ZC3H11C: variants seen among roughly 807,000 people sequenced by gnomAD.
ZC3H11C encodes zinc finger CCCH-type containing 11C.
the ZC3H11C span, among the ~76,000 whole-genome samples, chr6:65,306,011 C>T: frequency 3.0e-4 from 44 of 145,930 alleles, no homozygotes; most frequent in East Asian, 4.3e-3. Context: ...ATTGAGTTTT[C>T]TTTTCTTGAT....
the ZC3H11C span, among the ~76,000 whole-genome samples, chr6:65,302,094 CTCTTT>C: frequency 6.6e-6 from 1 of 152,108 alleles, no homozygotes; most frequent in Non-Finnish European, 1.5e-5. Context: ...TTTAAATGAA[CTCTTT>C]TTTTTGTTTT....
chr6:65,302,299 T>C, the ZC3H11C span, among the ~76,000 whole-genome samples: 2 of 152,156 alleles, frequency 1.3e-5, no homozygotes, highest in African/African-American at 2.4e-5. Context: ...ATGGATTGAG[T>C]GTTGGTTCGA....
the ZC3H11C span, among the ~76,000 whole-genome samples, chr6:65,301,495 T>C: frequency 6.6e-6 from 1 of 152,172 alleles, no homozygotes; most frequent in African/African-American, 2.4e-5. Flanking sequence ...TTTCTGCTAG[T>C]GCTGCTGCTG....
the ZC3H11C span, among the ~76,000 whole-genome samples, chr6:65,306,571 T>G: frequency 6.6e-6 from 1 of 151,900 alleles, no homozygotes; most frequent in African/African-American, 2.4e-5. Flanking sequence ...CTGGTATTAG[T>G]CAATGTTTCG....
the ZC3H11C span, among the ~76,000 whole-genome samples, chr6:65,306,535 A>G: frequency 1.3e-5 from 2 of 152,018 alleles, no homozygotes; most frequent in African/African-American, 2.4e-5. Context: ...GATATTCTTT[A>G]TTCTTTTGCT....
the ZC3H11C span, among the ~76,000 whole-genome samples, chr6:65,305,769 G>C: frequency 6.6e-6 from 1 of 152,168 alleles, no homozygotes; most frequent in Non-Finnish European, 1.5e-5. Flanking sequence ...TGCTGGCATT[G>C]AATTAACACA....
chr6:65,305,764 G>A, the ZC3H11C span, among the ~76,000 whole-genome samples: 1 of 152,124 alleles, frequency 6.6e-6, no homozygotes, highest in African/African-American at 2.4e-5. Context: ...CTCCTTGCTG[G>A]CATTGAATTA....
At chr6:65,301,751 G>A in the ZC3H11C span, among the ~76,000 whole-genome samples, 1 of 152,260 alleles carries the variant, frequency 6.6e-6, no homozygotes, top group Non-Finnish European at 1.5e-5. Context: ...TTGTAGGATT[G>A]GTGAAACCGT....
chr6:65,303,718 CA>C, the ZC3H11C span: 1 of 549,424 alleles, frequency 1.8e-6, no homozygotes, highest in East Asian at 2.9e-5. Context: ...GAAGCTCCTC[CA>C]CTATCCGTAT....
At chr6:65,306,181 C>G in the ZC3H11C span, among the ~76,000 whole-genome samples, 42 of 152,184 alleles carry the variant, frequency 2.8e-4, no homozygotes, top group Non-Finnish European at 5.0e-4. Flanking sequence ...AGTTTTGTTT[C>G]TCATAGGGAA....
the ZC3H11C span, chr6:65,303,849 CAGT>C: frequency 3.3e-6 from 2 of 605,388 alleles, no homozygotes; most frequent in Non-Finnish European, 5.7e-6. Context: ...ATTAAAAAAA[CAGT>C]AGTTTTGCCA....
chr6:65,306,090 T>TTG, the ZC3H11C span, among the ~76,000 whole-genome samples: 351 of 152,304 alleles, frequency 2.3e-3, no homozygotes, highest in African/African-American at 8.2e-3. Context: ...AATAATAGTC[T>TTG]TGAAAGGAGA....
chr6:65,301,646 T>C, the ZC3H11C span, among the ~76,000 whole-genome samples: 5 of 152,382 alleles, frequency 3.3e-5, no homozygotes, highest in Admixed American at 3.3e-4. Context: ...ACCGACCTTA[T>C]TCCGGTATCC....
chr6:65,306,009 T>G, the ZC3H11C span, among the ~76,000 whole-genome samples: 2 of 145,924 alleles, frequency 1.4e-5, no homozygotes, highest in African/African-American at 4.9e-5. Context: ...GAATTGAGTT[T>G]TCTTTTCTTG....
the ZC3H11C span, chr6:65,303,539 G>C: frequency 1.1e-6 from 1 of 927,402 alleles, no homozygotes; most frequent in African/African-American, 1.9e-5. Context: ...CATGTCAGCT[G>C]ATCCAAATAA....
chr6:65,306,224 G>C, the ZC3H11C span, among the ~76,000 whole-genome samples: 1 of 152,200 alleles, frequency 6.6e-6, no homozygotes, highest in Non-Finnish European at 1.5e-5. Context: ...TGGCTCCTAA[G>C]GAACTGCTGT....
chr6:65,302,546 TA>T, the ZC3H11C span: 1 of 943,550 alleles, frequency 1.1e-6, no homozygotes, highest in Non-Finnish European at 1.7e-6. Context: ...AGAAGACTGC[TA>T]TTTTTTTTTC....
the ZC3H11C span, among the ~76,000 whole-genome samples, chr6:65,305,238 C>G: frequency 6.6e-6 from 1 of 152,142 alleles, no homozygotes; most frequent in South Asian, 2.1e-4. Flanking sequence ...AGAGGGAGAT[C>G]AAGTGAAAGG....
the ZC3H11C span, among the ~76,000 whole-genome samples, chr6:65,306,084 A>G: frequency 6.6e-6 from 1 of 152,198 alleles, no homozygotes; most frequent in Non-Finnish European, 1.5e-5. Context: ...GATGGAAATA[A>G]TAGTCTTGAA....
Sources: gnomAD v4.1 joint callset for allele counts (sites outside exome capture counted in the v4.1 genomes callset) on GRCh38, gnomAD v4.1.1 for gene constraint, MANE v1.5 for transcripts, NCBI Gene and HGNC (gene_info 2026-07-23, HGNC 2026-07-21) for gene names.